SCN11A: variants seen among roughly 807,000 people sequenced by gnomAD.
SCN11A encodes sodium voltage-gated channel alpha subunit 11.
In SCN11A, 122 loss-of-function variants were observed where a neutral mutation model predicts 162.2. That is an observed-to-expected ratio of 0.75 (90% CI 0.65 to 0.87). The LOEUF (loss-of-function observed/expected upper bound fraction) is 0.87. Among genes scored for constraint, SCN11A ranks in the 40% least tolerant of loss-of-function variants. SCN11A has a pLI of 0.00. For synonymous variants in SCN11A, 758 were observed against 751.5 expected (o/e 1.01, Z -0.14); for missense variants, 2,015 against 2,181.6 (o/e 0.92, Z 1.52).
chr3:38,981,239 A>C (rs776836714), intron 2 of SCN11A, among the ~76,000 whole-genome samples: 1 of 152,204 alleles, frequency 6.6e-6, no homozygotes, highest in African/African-American at 2.4e-5. Context: ...ATGTTTAACA[A>C]GCCTTCTCTG....
chr3:38,972,584 AT>A (rs1359517384), intron 2 of SCN11A, among the ~76,000 whole-genome samples: 1 of 152,022 alleles, frequency 6.6e-6, no homozygotes, highest in Non-Finnish European at 1.5e-5. Context: ...ATATATATGT[AT>A]ACACACACAC....
chr3:39,034,807 T>G (rs1016379732), intron 1 of SCN11A, among the ~76,000 whole-genome samples: 1 of 152,158 alleles, frequency 6.6e-6, no homozygotes, highest in African/African-American at 2.4e-5. Flanking sequence ...CATTCCTGTA[T>G]GTCAATAGTG....
intron 29 of SCN11A, among the ~76,000 whole-genome samples, chr3:38,848,152 C>T (rs914954906): frequency 6.6e-6 from 1 of 152,180 alleles, no homozygotes; most frequent in African/African-American, 2.4e-5. Flanking sequence ...ACTCAAAAAG[C>T]TGAAGGGACA....
At position 38,934,829 on chromosome 3, in the gene SCN11A, A is replaced by C. The variant is rs1002362212; in HGVS notation, c.489-7898T>G. 4.7e-4 allele frequency among the ~76,000 whole-genome samples: 72 copies of C among 152,170 alleles called. 1 individual carries two copies. Among genetic ancestry groups the C allele is most frequent in the Non-Finnish European group, 8.5e-4 (58 of 68,008 alleles). On this transcript the variant is annotated intron_variant, in intron 7 of 29. Transcript: ENST00000302328. ...CCTTAGACAGATCAACGAGACAGAAAGTTAACAAGGATACCCAGGAATTGA... is the reference window on the plus strand; with the variant it reads ...CCTTAGACAGATCAACGAGACAGAACGTTAACAAGGATACCCAGGAATTGA...
In SCN11A at chr3:38,846,565, C is replaced by T; in HGVS notation, c.*129G>A. 1.4e-6 allele frequency: 1 copy of T among 690,212 alleles called. No homozygotes were observed. Among genetic ancestry groups the T allele is most frequent in the Non-Finnish European group, 2.5e-6 (1 of 395,296 alleles). 42.8% of individuals were successfully genotyped at this position (690,212 alleles called of 1,614,324 possible). A position where few individuals can be genotyped will look rare whatever the true frequency, so the allele number is the denominator to read the frequency against. On this transcript the variant is annotated 3_prime_UTR_variant, in exon 30 of 30. Coordinates refer to ENST00000302328, the MANE Select transcript of SCN11A (RefSeq NM_001349253.2). ...GAAATTGAAATATCATTTATTTTAGCCAGAAAAGAAAATGGAATGGCTAAT... is the reference window on the plus strand; with the variant it reads ...GAAATTGAAATATCATTTATTTTAGTCAGAAAAGAAAATGGAATGGCTAAT...
rs772822973 is a variant in SCN11A, at chr3:38,894,961, G to A, written c.2407C>T (p.Leu803Phe). ...LITVIGKLVV[L>F]NLFIALLLNS... ...AGCAGTAAGGCAATGAAGAGGTTGAGCACCTGGGAATGGGGTGGGTAGCAA... is the reference window on the plus strand; with the variant it reads ...AGCAGTAAGGCAATGAAGAGGTTGAACACCTGGGAATGGGGTGGGTAGCAA... The change falls in exon 19 of 30, where the codon CTC (leucine) becomes TTC (phenylalanine). Residue 803 changes from leucine to phenylalanine, a missense_variant. Physicochemically the swap from Leu to Phe is conservative, Grantham distance 22 (BLOSUM62 0). Coordinates refer to ENST00000302328, the MANE Select transcript of SCN11A (RefSeq NM_001349253.2). 2 of 1,600,320 alleles carry A rather than the reference G, an allele frequency of 1.2e-6. No homozygotes were observed. Among genetic ancestry groups the A allele is most frequent in the East Asian group, 4.5e-5 (2 of 44,638 alleles).
In SCN11A at chr3:38,971,140, TTTTTC is replaced by T. The variant is rs531993489; in HGVS notation, c.-279-10722_-279-10718del. ...CACCCATACACTTACACACTCACAT[TTTTTC>T]TTTTCTTTTTCTTGTTTTTTTTTTT... On this transcript the variant is annotated intron_variant, in intron 2 of 29. Transcript: ENST00000302328. Among the ~76,000 whole-genome samples the T allele has an allele frequency of 1.4e-4, 22 of 152,056 alleles. No individual in the cohort carries two copies. The East Asian group carries it at 2.1e-3, about 15-fold the overall frequency.
intron 28 of SCN11A, among the ~76,000 whole-genome samples, chr3:38,851,001 C>T (rs2064769714): frequency 6.6e-6 from 1 of 151,952 alleles, no homozygotes; most frequent in Non-Finnish European, 1.5e-5. Context: ...CATTTTAAAA[C>T]AAAAAATATT....
rs1373209779 is a variant in SCN11A, at chr3:38,894,844, C to G, written c.2524G>C (p.Ala842Pro). Residue 842 changes from alanine (A) to proline (P), a missense_variant, in exon 19 of 30, where the codon GCT (alanine) becomes CCT (proline). By Grantham distance (27) the Ala-to-Pro change is conservative (BLOSUM62 -1). Transcript: ENST00000302328. Reference sequence around the variant, plus strand: ...AGAGTGTGTCTCACAAAACAAAAAGCCCGGCGGAATCGATCCAGTGCTAAC... The same window carrying G: ...AGAGTGTGTCTCACAAAACAAAAAGGCCGGCGGAATCGATCCAGTGCTAAC... ...VQLALDRFRR[A>P]FCFVRHTLEH... The G allele has an allele frequency of 6.8e-6, 11 of 1,614,198 alleles. No individual in the cohort carries two copies. Among genetic ancestry groups the G allele is most frequent in the South Asian group, 1.1e-5 (1 of 91,080 alleles).
chr3:38,945,679 T>C lies in SCN11A; in HGVS notation c.387-167A>G, dbSNP rs759440099. On this transcript the variant is annotated intron_variant, in intron 6 of 29. Coordinates refer to ENST00000302328, the MANE Select transcript of SCN11A (RefSeq NM_001349253.2). ...CACAACTGTCCCCTCCTGTGGAGAA[T>C]TGTCCCCTGCTGAATGGCAGCCTCC... Among the ~76,000 whole-genome samples the C allele has an allele frequency of 4.9e-4, 74 of 152,212 alleles. 1 individual carries two copies. The highest frequency in any genetic ancestry group is 3.9e-4 in the Admixed American group (6 of 15,282).
chr3:38,935,623 C>G lies in SCN11A; in HGVS notation c.489-8692G>C, dbSNP rs138151078. Among the ~76,000 whole-genome samples, 7 of 152,208 alleles carry G rather than the reference C, an allele frequency of 4.6e-5. No individual in the cohort carries two copies. In the East Asian group the frequency reaches 7.7e-4, roughly 17 times the overall value. On this transcript the variant is annotated intron_variant, in intron 7 of 29. Transcript: ENST00000302328. ...CCCCTATGCAAATAAACTAGAAAAT[C>G]TAGAAGAAATGGATAAATTCCTCGA... is the stretch of plus-strand genomic sequence containing the variant.
chr3:38,940,123 G>T (rs1357730697), intron 7 of SCN11A, among the ~76,000 whole-genome samples: 2 of 150,736 alleles, frequency 1.3e-5, no homozygotes, highest in African/African-American at 4.9e-5. Context: ...TGAAAGAAAA[G>T]ACCACATTTA....
intron 7 of SCN11A, among the ~76,000 whole-genome samples, chr3:38,944,191 T>C (rs2066481505): frequency 6.6e-6 from 1 of 152,238 alleles, no homozygotes; most frequent in Non-Finnish European, 1.5e-5. Flanking sequence ...AGAAAAAATT[T>C]AATGCTAGCA....
intron 19 of SCN11A, among the ~76,000 whole-genome samples, chr3:38,894,101 A>G (rs1166279594): frequency 6.6e-6 from 1 of 151,196 alleles, no homozygotes; most frequent in African/African-American, 2.4e-5. Flanking sequence ...ATCTCCCACC[A>G]CTCCTCACCC....
chr3:38,867,170 C>G (rs1423841114), intron 27 of SCN11A, 151 bp downstream of exon 27: 5 of 644,904 alleles, frequency 7.8e-6, no homozygotes, highest in Non-Finnish European at 1.3e-5. Flanking sequence ...CTTTGAGGAT[C>G]ATCTCCAGGC....
At position 38,892,733 on chromosome 3, in the gene SCN11A, G is replaced by A. The variant is rs576517436; in HGVS notation, c.2835+1800C>T. On this transcript the variant is annotated intron_variant, in intron 19 of 29. Coordinates refer to ENST00000302328, the MANE Select transcript of SCN11A (RefSeq NM_001349253.2). Reference sequence around the variant, plus strand: ...AGAATTTAAAACAATACAAAAACAGGAGAGAGGAAATAGAGCTATATATGA... The same window carrying A: ...AGAATTTAAAACAATACAAAAACAGAAGAGAGGAAATAGAGCTATATATGA... 2.6e-5 allele frequency among the ~76,000 whole-genome samples: 4 copies of A among 152,134 alleles called. No individual in the cohort carries two copies. In the South Asian group the frequency reaches 8.3e-4, roughly 32 times the overall value.
chr3:39,039,775 AG>A (rs2031997736), intron 1 of SCN11A, among the ~76,000 whole-genome samples: 1 of 152,016 alleles, frequency 6.6e-6, no homozygotes, highest in South Asian at 2.1e-4. Flanking sequence ...ACCAAAGATC[AG>A]CCCACCTAGA....
At chr3:38,890,668 T>C (rs2065484559) in intron 19 of SCN11A, among the ~76,000 whole-genome samples, 1 of 152,260 alleles carries the variant, frequency 6.6e-6, no homozygotes, top group Non-Finnish European at 1.5e-5. Flanking sequence ...CAGCAATTAG[T>C]TGAGCCTAAA....
At chr3:38,971,274 A>C (rs1227533128) in intron 2 of SCN11A, among the ~76,000 whole-genome samples, 1 of 152,040 alleles carries the variant, frequency 6.6e-6, no homozygotes, top group African/African-American at 2.4e-5. Flanking sequence ...AGCTCAGCAG[A>C]AGAGACACGT....
Sources: allele counts gnomAD v4.1 joint callset (sites outside exome capture counted in the v4.1 genomes callset), GRCh38; gene constraint gnomAD v4.1.1; transcripts MANE v1.5; gene names NCBI Gene and HGNC (gene_info 2026-07-23, HGNC 2026-07-21).